The following MAF variants were observed in gnomAD, a reference collection of about 807,000 sequenced individuals.
MAF encodes the protein MAF bZIP transcription factor.
MAF carries 10 observed loss-of-function variants against 22.0 expected under a neutral mutation model. That is an observed-to-expected ratio of 0.45 (90% CI 0.28 to 0.77). The LOEUF is 0.77. Among genes scored for constraint, MAF ranks in the 30% least tolerant of loss-of-function variants. MAF has a pLI of 0.12. For synonymous variants in MAF, 337 were observed against 255.8 expected (o/e 1.32, Z -3.03); for missense variants, 544 against 548.4 (o/e 0.99, Z 0.08).
the MAF span, chr16:79,211,547 G>A: frequency 3.1e-6 from 5 of 1,609,384 alleles, no homozygotes; most frequent in Non-Finnish European, 3.4e-6. Flanking sequence ...CAGTCGAAAT[G>A]ACGCCATCTC....
At chr16:79,205,238 G>C in the MAF span, 1 of 152,178 alleles carries the variant, frequency 6.6e-6, no homozygotes, top group Non-Finnish European at 1.5e-5. Flanking sequence ...TTGCATTTAT[G>C]GTGATGGACT....
chr16:79,232,726 T>A, the MAF span, among the ~76,000 whole-genome samples: 1 of 151,904 alleles, frequency 6.6e-6, no homozygotes, highest in African/African-American at 2.4e-5. Flanking sequence ...AGCTGAGCCT[T>A]CCCTCCCATT....
chr16:79,449,771 G>A, the MAF span, among the ~76,000 whole-genome samples: 1 of 152,102 alleles, frequency 6.6e-6, no homozygotes, highest in African/African-American at 2.4e-5. Flanking sequence ...CCTCACTTCT[G>A]GCACTAATAA....
At chr16:79,365,806 A>G in the MAF span, among the ~76,000 whole-genome samples, 2 of 152,202 alleles carry the variant, frequency 1.3e-5, no homozygotes, top group Non-Finnish European at 2.9e-5. Flanking sequence ...ACGAGGTGCC[A>G]TGTTCCTTCA....
At chr16:79,429,319 G>A in the MAF span, among the ~76,000 whole-genome samples, 6 of 152,124 alleles carry the variant, frequency 3.9e-5, no homozygotes. Context: ...TTAACAGGCT[G>A]GGGCTGCAGA....
the MAF span, among the ~76,000 whole-genome samples, chr16:79,395,182 G>A: frequency 2.0e-5 from 3 of 152,200 alleles, no homozygotes; most frequent in African/African-American, 7.2e-5. Context: ...TTGCGATGAG[G>A]TTGAAGGGGC....
the MAF span, among the ~76,000 whole-genome samples, chr16:79,507,996 G>A: frequency 1.3e-5 from 2 of 152,204 alleles, no homozygotes; most frequent in Non-Finnish European, 2.9e-5. Flanking sequence ...GTCCTGCAGT[G>A]TGAGAGGATG....
the MAF span, among the ~76,000 whole-genome samples, chr16:79,556,524 C>A: frequency 4.6e-5 from 7 of 152,082 alleles, no homozygotes; most frequent in Non-Finnish European, 7.4e-5. Context: ...CATTATAGGA[C>A]CTCTGTGTTA....
chr16:79,275,884 G>A, the MAF span, among the ~76,000 whole-genome samples: 1 of 152,202 alleles, frequency 6.6e-6, no homozygotes, highest in African/African-American at 2.4e-5. Flanking sequence ...GCTCATGCCT[G>A]TAATCCCAGC....
the MAF span, among the ~76,000 whole-genome samples, chr16:79,365,793 T>G: frequency 6.6e-6 from 1 of 152,216 alleles, no homozygotes; most frequent in Non-Finnish European, 1.5e-5. Flanking sequence ...CATGAAATTG[T>G]TGACGAGGTG....
At chr16:79,353,899 A>C in the MAF span, among the ~76,000 whole-genome samples, 5 of 152,110 alleles carry the variant, frequency 3.3e-5, no homozygotes, top group Non-Finnish European at 5.9e-5. Context: ...TAGACCCACA[A>C]ACCTTTCTGG....
chr16:79,296,774 C>T, the MAF span, among the ~76,000 whole-genome samples: 180 of 152,184 alleles, frequency 1.2e-3, 4 homozygotes, highest in East Asian at 0.028. Flanking sequence ...GAATGGGAAA[C>T]ACTCTGCCTA....
chr16:79,528,543 C>T, the MAF span, among the ~76,000 whole-genome samples: 2 of 151,942 alleles, frequency 1.3e-5, no homozygotes, highest in African/African-American at 2.4e-5. Context: ...AGGATCTTGG[C>T]AGAACGACAG....
At chr16:79,312,918 A>G in the MAF span, among the ~76,000 whole-genome samples, 8 of 152,186 alleles carry the variant, frequency 5.3e-5, no homozygotes, top group African/African-American at 1.7e-4. Context: ...AAGTGGCCTG[A>G]TAATATAAGA....
the MAF span, among the ~76,000 whole-genome samples, chr16:79,399,159 G>C: frequency 3.3e-5 from 5 of 152,280 alleles, no homozygotes; most frequent in East Asian, 1.9e-4. Context: ...TCCTACTCTA[G>C]CCTTGAGTAA....
the MAF span, among the ~76,000 whole-genome samples, chr16:79,390,359 T>C: frequency 6.6e-6 from 1 of 152,200 alleles, no homozygotes; most frequent in South Asian, 2.1e-4. Context: ...AAATCACTCC[T>C]GCCAAAGCTT....
the MAF span, among the ~76,000 whole-genome samples, chr16:79,481,787 A>G: frequency 6.6e-6 from 1 of 152,266 alleles, no homozygotes; most frequent in South Asian, 2.1e-4. Context: ...TGCATCCCAG[A>G]CCCAGTACTA....
At chr16:79,400,154 G>A in the MAF span, among the ~76,000 whole-genome samples, 7 of 152,108 alleles carry the variant, frequency 4.6e-5, no homozygotes, top group Non-Finnish European at 1.0e-4. Context: ...CCAGCAATGT[G>A]GTTAAACATC....
the MAF span, among the ~76,000 whole-genome samples, chr16:79,307,580 C>T: frequency 6.6e-6 from 1 of 152,158 alleles, no homozygotes; most frequent in Non-Finnish European, 1.5e-5. Context: ...TAGTAGAGTT[C>T]ACTGCTACCC....
Sources: gnomAD v4.1 joint callset for allele counts (sites outside exome capture counted in the v4.1 genomes callset) on GRCh38, gnomAD v4.1.1 for gene constraint, MANE v1.5 for transcripts, NCBI Gene and HGNC (gene_info 2026-07-23, HGNC 2026-07-21) for gene names.